Variants in PABPC1L observed in about 807,000 individuals in gnomAD.
PABPC1L encodes polyadenylate-binding protein 1-like.
In PABPC1L, 31 loss-of-function variants were observed where a neutral mutation model predicts 66.6. The ratio of observed to expected loss-of-function variants is 0.47; its 90% confidence interval spans 0.35 to 0.63. The LOEUF is 0.63. PABPC1L is among the 20% of genes least tolerant of loss of function. PABPC1L has a pLI of 0.00. For missense variants in PABPC1L, 722 were observed against 848.8 expected (o/e 0.85, Z 1.86); for synonymous variants, 348 against 335.1 (o/e 1.04, Z -0.42).
At chr20:44,924,896 C>A (rs2066798205) in intron 7 of PABPC1L, among the ~76,000 whole-genome samples, 1 of 151,886 alleles carries the variant, frequency 6.6e-6, no homozygotes, top group Non-Finnish European at 1.5e-5. Context: ...GGGGTAGGGC[C>A]TGGGCTTTTT....
rs533212616 is a variant in PABPC1L at position 44,924,911 on chromosome 20, T to A, written c.972+655T>A. 1.9e-4 allele frequency among the ~76,000 whole-genome samples: 29 copies of A among 151,620 alleles called. 1 individual carries two copies. Among genetic ancestry groups the A allele is most frequent in the African/African-American group, 6.1e-4 (25 of 41,046 alleles). On this transcript the variant is annotated intron_variant, in intron 7 of 14. Coordinates refer to ENST00000217073, the MANE Select transcript of PABPC1L (RefSeq NM_001372179.1). ...GGGGTAGGGCCTGGGCTTTTTATTT[T>A]TTTTTTTTAAAGCTCCCAGAGGCTG...
chr20:44,938,009 G>T, intron 12 of PABPC1L, 52 bp from the exon 13 acceptor site: 1 of 1,611,232 alleles, frequency 6.2e-7, no homozygotes. Flanking sequence ...GCCCTGGGAT[G>T]CTGGGGTGTG....
chr20:44,932,481 C>T, intron 9 of PABPC1L, 49 bp downstream of exon 9: 1 of 1,508,230 alleles, frequency 6.6e-7, no homozygotes, highest in Non-Finnish European at 9.1e-7. Flanking sequence ...TTGGTGTGGG[C>T]CCCGTGAGGC....
intron 10 of PABPC1L, among the ~76,000 whole-genome samples, chr20:44,933,589 G>A (rs954284792): frequency 6.6e-6 from 1 of 151,842 alleles, no homozygotes; most frequent in Non-Finnish European, 1.5e-5. Flanking sequence ...GGGATTGTAG[G>A]CATGCGCCAC....
chr20:44,914,845 A>G (rs1286916950), intron 2 of PABPC1L, among the ~76,000 whole-genome samples: 1 of 152,232 alleles, frequency 6.6e-6, no homozygotes, highest in African/African-American at 2.4e-5. Flanking sequence ...TCTAAGTGAT[A>G]ACTGTAACAA....
chr20:44,919,418 A>G, intron 5 of PABPC1L, 141 bp downstream of exon 5: 1 of 886,436 alleles, frequency 1.1e-6, no homozygotes, highest in Non-Finnish European at 1.7e-6. Flanking sequence ...GTGCAGGCAA[A>G]GCCCTTCCTT....
intron 7 of PABPC1L, among the ~76,000 whole-genome samples, chr20:44,926,529 T>C (rs2066810849): frequency 6.6e-6 from 1 of 150,692 alleles, no homozygotes; most frequent in South Asian, 2.1e-4. Context: ...CCAGCCTACA[T>C]ATATATATAT....
chr20:44,937,656 C>T (rs555873629), intron 12 of PABPC1L, among the ~76,000 whole-genome samples: 1 of 152,296 alleles, frequency 6.6e-6, no homozygotes, highest in East Asian at 1.9e-4. Flanking sequence ...CTCAGGTGAT[C>T]CACCCACCTC....
intron 2 of PABPC1L, 81 bp downstream of exon 2, chr20:44,912,934 CTTTACAG>C (rs893843202): frequency 5.3e-6 from 7 of 1,333,046 alleles, no homozygotes; most frequent in African/African-American, 4.4e-5. Flanking sequence ...CAACACCTCA[CTTTACAG>C]TTTACAAGGT....
At chr20:44,935,307 T>G in intron 10 of PABPC1L, 84 bp from the exon 11 acceptor site, 1 of 948,802 alleles carries the variant, frequency 1.1e-6, no homozygotes, top group South Asian at 1.4e-5. Context: ...ATTTTCTGTT[T>G]TGGTGTTGTT....
chr20:44,933,650 G>T (rs754928040), intron 10 of PABPC1L, among the ~76,000 whole-genome samples: 2 of 151,080 alleles, frequency 1.3e-5, no homozygotes, highest in Non-Finnish European at 2.9e-5. Context: ...TCTCCATGTT[G>T]GTCAGGTTGG....
intron 9 of PABPC1L, 136 bp from the exon 10 acceptor site, chr20:44,932,921 T>C: frequency 1.6e-6 from 1 of 617,278 alleles, no homozygotes; most frequent in Non-Finnish European, 2.9e-6. Flanking sequence ...AATTGACTCC[T>C]ATTTCTGTTG....
chr20:44,938,192 G>A lies in PABPC1L; in HGVS notation c.1791+1G>A. On this transcript the variant is annotated splice_donor_variant, in intron 13 of 14. Coordinates refer to ENST00000217073, the MANE Select transcript of PABPC1L (RefSeq NM_001372179.1). LOFTEE classifies it high-confidence loss of function. ...GTCTCCAGAATCCCTCCATGCCAAGGTAAGCAGGAGCCTGGGCAGCAGGGA... is the reference window on the plus strand; with the variant it reads ...GTCTCCAGAATCCCTCCATGCCAAGATAAGCAGGAGCCTGGGCAGCAGGGA... 6.2e-7 allele frequency: 1 copy of A among 1,613,512 alleles called. No individual in the cohort carries two copies. The highest frequency in any genetic ancestry group is 1.3e-5 in the African/African-American group (1 of 75,024).
At chr20:44,937,544 A>G (rs1359886277) in intron 12 of PABPC1L, among the ~76,000 whole-genome samples, 2 of 152,072 alleles carry the variant, frequency 1.3e-5, no homozygotes, top group African/African-American at 4.8e-5. Flanking sequence ...CCTTCTGAGT[A>G]GCTGGGCTTA....
chr20:44,917,038 G>A (rs551948369), intron 3 of PABPC1L, among the ~76,000 whole-genome samples, 167 bp downstream of exon 3: 18 of 152,294 alleles, frequency 1.2e-4, no homozygotes, highest in Non-Finnish European at 2.2e-4. Context: ...ACCTCTCAGG[G>A]ACTCTTTCCT....
At chr20:44,924,067 A>G in intron 6 of PABPC1L, 94 bp from the exon 7 acceptor site, 1 of 1,003,948 alleles carries the variant, frequency 1.0e-6, no homozygotes, top group South Asian at 1.4e-5. Flanking sequence ...GGGGCTCCCC[A>G]TGCCCCTTGT....
At chr20:44,918,852 T>G in intron 3 of PABPC1L, 54 bp from the exon 4 acceptor site, 1 of 1,521,636 alleles carries the variant, frequency 6.6e-7, no homozygotes, top group Non-Finnish European at 8.8e-7. Context: ...GGCATGGGGG[T>G]GGCTGATGGC....
At chr20:44,936,875 A>C in intron 12 of PABPC1L, 145 bp downstream of exon 12, 4 of 797,828 alleles carry the variant, frequency 5.0e-6, no homozygotes, top group Non-Finnish European at 8.7e-6. Context: ...ACCGTGGCCA[A>C]GCTGGCTCTA....
At chr20:44,914,049 C>G (rs942764110) in intron 2 of PABPC1L, among the ~76,000 whole-genome samples, 2 of 152,074 alleles carry the variant, frequency 1.3e-5, no homozygotes. Context: ...GATCAGCGGC[C>G]ATATAGCAGG....
Sources: gnomAD v4.1 joint callset for allele counts (sites outside exome capture counted in the v4.1 genomes callset) on GRCh38, gnomAD v4.1.1 for gene constraint, MANE v1.5 for transcripts, NCBI Gene and HGNC (gene_info 2026-07-23, HGNC 2026-07-21) for gene names.